NLN: variants seen among roughly 807,000 people sequenced by gnomAD.
NLN encodes neurolysin, mitochondrial.
Under a neutral mutation model 79.9 loss-of-function variants are expected in NLN, and 64 were observed. The ratio of observed to expected loss-of-function variants is 0.80; its 90% CI spans 0.65 to 0.99. The LOEUF is 0.99. Ranked by LOEUF, NLN falls within the 50% of genes least tolerant of loss-of-function variation. The pLI, the probability that NLN is intolerant of heterozygous loss-of-function variation, is 0.00. For synonymous variants in NLN, 267 were observed against 296.6 expected, an observed-to-expected ratio of 0.90 and a Z score of 1.02; for missense variants, 835 against 858.7, an observed-to-expected ratio of 0.97 and a Z score of 0.34.
chr5:65,763,183 C>A, intron 3 of NLN, 75 bp downstream of exon 3: 1 of 1,265,220 alleles, frequency 7.9e-7, no homozygotes, highest in Non-Finnish European at 1.1e-6. Flanking sequence ...ATAAATAAAA[C>A]ATACTGACTG....
Position 65,770,550 on chromosome 5 carries a change from A to G in NLN, c.451-6877A>G, listed in dbSNP as rs562422742. On this transcript the variant is annotated intron_variant, in intron 3 of 12. Transcript: ENST00000380985. The stretch of plus-strand genomic sequence containing the variant: ...TTATCTTTGTGGATATGGATCAACA[A>G]GAATGTTTGTGCACTGCTTCTAAGA... 4.7e-4 allele frequency among the ~76,000 whole-genome samples: 71 copies of G among 152,366 alleles called. 1 individual carries two copies. The highest frequency in any genetic ancestry group is 3.2e-3 in the Admixed American group (49 of 15,300).
chr5:65,753,007 T>G (rs1280833374), intron 1 of NLN, among the ~76,000 whole-genome samples: 3 of 152,210 alleles, frequency 2.0e-5, no homozygotes, highest in Non-Finnish European at 4.4e-5. Flanking sequence ...AGAAATAGCT[T>G]TTCACTAGTT....
intron 6 of NLN, among the ~76,000 whole-genome samples, chr5:65,784,400 G>T (rs1200560407): frequency 6.6e-6 from 1 of 152,122 alleles, no homozygotes; most frequent in Admixed American, 6.6e-5. Flanking sequence ...TAGTTCATTT[G>T]TGCTGCTATA....
intron 7 of NLN, 35 bp downstream of exon 7, chr5:65,785,945 C>T: frequency 6.3e-7 from 1 of 1,598,230 alleles, no homozygotes; most frequent in Non-Finnish European, 8.5e-7. Flanking sequence ...GACTGTTTTG[C>T]TATACCATGT....
At chr5:65,736,540 T>A (rs1394266477) in intron 1 of NLN, among the ~76,000 whole-genome samples, 4 of 152,212 alleles carry the variant, frequency 2.6e-5, no homozygotes, top group Admixed American at 6.5e-5. Context: ...CATATAGTAT[T>A]CATGAGTAGC....
chr5:65,821,739 A>G (rs140986445), intron 12 of NLN, among the ~76,000 whole-genome samples: 17 of 152,282 alleles, frequency 1.1e-4, no homozygotes, highest in African/African-American at 4.1e-4. Context: ...ATAAGCTGCA[A>G]ATGATTTCTA....
intron 3 of NLN, among the ~76,000 whole-genome samples, chr5:65,775,981 G>T (rs1177733915): frequency 2.0e-5 from 3 of 152,166 alleles, no homozygotes; most frequent in Non-Finnish European, 2.9e-5. Flanking sequence ...GGCCAGGCAT[G>T]GTCACTCAAA....
intron 12 of NLN, among the ~76,000 whole-genome samples, chr5:65,815,374 G>A (rs965288471): frequency 1.3e-5 from 2 of 152,200 alleles, no homozygotes; most frequent in African/African-American, 4.8e-5. Context: ...TTGGCAGGCA[G>A]CCATACTACT....
chr5:65,782,083 T>A (rs1374060), intron 6 of NLN, among the ~76,000 whole-genome samples: 31 of 152,158 alleles, frequency 2.0e-4, no homozygotes, highest in African/African-American at 7.5e-4. Context: ...AGCAATTTTC[T>A]AAAATTTTCA....
rs116491617 is a variant in NLN, at chr5:65,759,786, A to G, written c.301+960A>G. ...TCAAAAACACCCTCCAAGTTAACACATAAGATTAATCATCAGAATGTTTAA... is the reference window on the plus strand; with the variant it reads ...TCAAAAACACCCTCCAAGTTAACACGTAAGATTAATCATCAGAATGTTTAA... On this transcript the variant is annotated intron_variant, in intron 2 of 12. Coordinates refer to ENST00000380985, the MANE Select transcript of NLN (RefSeq NM_020726.5). Among the ~76,000 whole-genome samples, 300 of 152,344 alleles carry G rather than the reference A, an allele frequency of 2.0e-3. 3 individuals carry two copies. Among genetic ancestry groups the G allele is most frequent in the African/African-American group, 7.1e-3 (297 of 41,580 alleles).
At chr5:65,759,190 C>T (rs961546121) in intron 2 of NLN, among the ~76,000 whole-genome samples, 3 of 152,068 alleles carry the variant, frequency 2.0e-5, no homozygotes, top group African/African-American at 2.4e-5. Context: ...GGCTTAGAAA[C>T]AATTCCCAAA....
chr5:65,764,277 T>C (rs1014170765), intron 3 of NLN, among the ~76,000 whole-genome samples: 2 of 152,356 alleles, frequency 1.3e-5, no homozygotes, highest in South Asian at 4.1e-4. Context: ...GAAAGGTTTG[T>C]CACTTTACAT....
intron 1 of NLN, among the ~76,000 whole-genome samples, chr5:65,739,012 T>TAAAATATA (rs1473631456): frequency 8.6e-6 from 1 of 116,190 alleles, no homozygotes; most frequent in Non-Finnish European, 1.8e-5. Flanking sequence ...TAATATATAT[T>TAAAATATA]TATATATATA....
intron 2 of NLN, 129 bp from the exon 3 acceptor site, chr5:65,762,831 G>T: frequency 1.2e-6 from 1 of 829,616 alleles, no homozygotes; most frequent in Middle Eastern, 2.5e-4. Flanking sequence ...GCCTTAGGAG[G>T]CTTTACAGAA....
intron 12 of NLN, among the ~76,000 whole-genome samples, chr5:65,814,461 T>C (rs529428719): frequency 1.3e-5 from 2 of 152,276 alleles, no homozygotes; most frequent in Admixed American, 1.3e-4. Context: ...CATCTGTGCA[T>C]CTCAAAAATT....
intron 2 of NLN, 81 bp downstream of exon 2, chr5:65,758,907 C>T (rs961122253): frequency 1.8e-5 from 24 of 1,297,572 alleles, no homozygotes; most frequent in Non-Finnish European, 2.5e-5. Flanking sequence ...TTTCAGTTTT[C>T]CAGTTTTACA....
intron 1 of NLN, among the ~76,000 whole-genome samples, chr5:65,747,637 A>T (rs984982797): frequency 6.6e-6 from 1 of 152,072 alleles, no homozygotes; most frequent in Admixed American, 6.5e-5. Flanking sequence ...GCCCCCACCT[A>T]TATGTCCAAA....
At chr5:65,763,183 C>T (rs1310557659) in intron 3 of NLN, 75 bp downstream of exon 3, 1 of 1,265,102 alleles carries the variant, frequency 7.9e-7, no homozygotes, top group Non-Finnish European at 1.1e-6. Context: ...ATAAATAAAA[C>T]ATACTGACTG....
At chr5:65,761,070 C>A (rs1579929837) in intron 2 of NLN, among the ~76,000 whole-genome samples, 1 of 152,106 alleles carries the variant, frequency 6.6e-6, no homozygotes, top group Non-Finnish European at 1.5e-5. Context: ...TGTCTAGTGT[C>A]AGGCACTGGG....
Sources: allele counts gnomAD v4.1 joint callset (sites outside exome capture counted in the v4.1 genomes callset), GRCh38; gene constraint gnomAD v4.1.1; transcripts MANE v1.5; gene names NCBI Gene and HGNC (gene_info 2026-07-23, HGNC 2026-07-21).